Variants in ERI3 observed in about 807,000 individuals in gnomAD.
ERI3 encodes ERI1 exoribonuclease 3.
ERI3 carries 18 observed loss-of-function variants against 44.4 expected under a neutral mutation model. The observed-to-expected ratio is 0.41, with a 90% CI of 0.28 to 0.60. ERI3 has a LOEUF of 0.60. Ranked by LOEUF, ERI3 falls within the 20% of genes least tolerant of loss-of-function variation. The pLI, the probability that ERI3 is intolerant of heterozygous loss-of-function variation, is 0.36. For missense variants in ERI3, 294 were observed against 435.5 expected, an observed-to-expected ratio of 0.68 and a Z score of 2.89; for synonymous variants, 183 against 164.8, an observed-to-expected ratio of 1.11 and a Z score of -0.84.
Position 44,320,368 on chromosome 1 carries a change from C to T in ERI3, c.490-624G>A, listed in dbSNP as rs537861590. ...GCCCAATCGCTTAGCTAGCCTTTCCCAGTCCACTGAAACATAATGGAAGAG... is the reference window on the plus strand; with the variant it reads ...GCCCAATCGCTTAGCTAGCCTTTCCTAGTCCACTGAAACATAATGGAAGAG... On this transcript the variant is annotated intron_variant, in intron 3 of 8. Transcript: ENST00000372257. 4.6e-5 allele frequency among the ~76,000 whole-genome samples: 7 copies of T among 152,368 alleles called. No individual in the cohort carries two copies. In the East Asian group the frequency reaches 9.6e-4, roughly 21 times the overall value.
chr1:44,310,739 G>T (rs1325988338), intron 5 of ERI3, among the ~76,000 whole-genome samples: 1 of 152,046 alleles, frequency 6.6e-6, no homozygotes, highest in Non-Finnish European at 1.5e-5. Flanking sequence ...ATCCTACCTA[G>T]TTCCGTGGCT....
At chr1:44,259,724 A>ACACACACAC (rs1553185527) in intron 7 of ERI3, among the ~76,000 whole-genome samples, 5 of 148,642 alleles carry the variant, frequency 3.4e-5, no homozygotes, top group Non-Finnish European at 6.0e-5. Context: ...ACACACACAC[A>ACACACACAC]AATTAGCCAG....
chr1:44,340,145 T>G (rs566343560), intron 2 of ERI3, among the ~76,000 whole-genome samples: 3,113 of 57,924 alleles, frequency 0.054, 108 homozygotes, highest in African/African-American at 0.16. Context: ...TGAGTGAACA[T>G]GTGCAAAAAA....
chr1:44,243,382 T>C (rs754295889), intron 8 of ERI3: 4 of 152,236 alleles, frequency 2.6e-5, no homozygotes, highest in African/African-American at 9.7e-5. Flanking sequence ...CAAGTTACAA[T>C]AGCAGGTGAG....
intron 2 of ERI3, among the ~76,000 whole-genome samples, chr1:44,352,334 C>T (rs1646909212): frequency 6.6e-6 from 1 of 152,194 alleles, no homozygotes; most frequent in Non-Finnish European, 1.5e-5. Context: ...CCTGTAGCTC[C>T]AGCTACTTGT....
chr1:44,224,165 C>T (rs1027298377), intron 8 of ERI3, among the ~76,000 whole-genome samples: 2 of 152,190 alleles, frequency 1.3e-5, no homozygotes, highest in African/African-American at 2.4e-5. Flanking sequence ...TGGATTACAA[C>T]AGCTGTCCTC....
chr1:44,261,613 G>A (rs1237750862), intron 7 of ERI3, among the ~76,000 whole-genome samples: 5 of 152,274 alleles, frequency 3.3e-5, no homozygotes, highest in South Asian at 2.1e-4. Context: ...TTAGAGAGCC[G>A]CTCTGAGGAG....
chr1:44,309,814 C>T (rs913711910), intron 5 of ERI3, among the ~76,000 whole-genome samples: 10 of 152,044 alleles, frequency 6.6e-5, no homozygotes, highest in South Asian at 2.1e-4. Context: ...CTGCCCGCCT[C>T]GGCCTCCCAA....
Position 44,354,292 on chromosome 1 carries a change from CTA to C in ERI3, c.135+598_135+599del, listed in dbSNP as rs1201747254. On this transcript the variant is annotated intron_variant, in intron 1 of 8. Coordinates refer to ENST00000372257, the MANE Select transcript of ERI3 (RefSeq NM_024066.3). ...CCTCTCGCAGACACAACGATGGGCACTATTTGTTGCAAAATCCAGCTCTAAGG... is the reference window on the plus strand; with the variant it reads ...CCTCTCGCAGACACAACGATGGGCACTTTGTTGCAAAATCCAGCTCTAAGG... 3.0e-6 allele frequency: 3 copies of C among 985,324 alleles called. No individual in the cohort carries two copies. The African/African-American group carries it at 5.2e-5, about 17-fold the overall frequency. The allele number at this position is 985,324 out of a possible 1,614,324, so 61.0% of individuals were successfully genotyped here. A position where few individuals can be genotyped will look rare whatever the true frequency, so the allele number is the denominator to read the frequency against.
chr1:44,247,473 G>A (rs1644578664), intron 8 of ERI3, among the ~76,000 whole-genome samples: 1 of 152,204 alleles, frequency 6.6e-6, no homozygotes. Flanking sequence ...GGAGTCATCG[G>A]TCAGAAGGAC....
chr1:44,353,609 G>C (rs1009645820), intron 1 of ERI3: 2 of 985,246 alleles, frequency 2.0e-6, no homozygotes, highest in African/African-American at 1.7e-5. Flanking sequence ...CCTGGGAAAA[G>C]GCCACTCACC....
At chr1:44,351,218 G>A (rs1646883893) in intron 2 of ERI3, among the ~76,000 whole-genome samples, 1 of 152,024 alleles carries the variant, frequency 6.6e-6, no homozygotes, top group Admixed American at 6.6e-5. Context: ...GTTTTTAGTA[G>A]AGACAGGGTT....
intron 5 of ERI3, among the ~76,000 whole-genome samples, chr1:44,310,568 C>G (rs12026967): frequency 6.6e-6 from 1 of 151,936 alleles, no homozygotes; most frequent in Non-Finnish European, 1.5e-5. Context: ...TAGGCCAGAC[C>G]GTGAACGGCC....
chr1:44,281,588 G>GAAAA (rs769332763), intron 7 of ERI3, among the ~76,000 whole-genome samples: 12 of 103,820 alleles, frequency 1.2e-4, no homozygotes, highest in South Asian at 9.0e-4. Context: ...ACCCCGTCTC[G>GAAAA]AAAAAAAAAA....
At chr1:44,332,553 G>A (rs1246152402) in intron 3 of ERI3, among the ~76,000 whole-genome samples, 2 of 152,196 alleles carry the variant, frequency 1.3e-5, no homozygotes, top group Admixed American at 1.3e-4. Context: ...AAACCGCTTC[G>A]ATCCTGCCTC....
chr1:44,318,588 G>C (rs922543561), intron 4 of ERI3, among the ~76,000 whole-genome samples: 1 of 152,202 alleles, frequency 6.6e-6, no homozygotes, highest in Non-Finnish European at 1.5e-5. Flanking sequence ...GGGTCAGCTG[G>C]CAAACACTGG....
intron 3 of ERI3, among the ~76,000 whole-genome samples, chr1:44,332,321 G>C (rs930156174): frequency 6.6e-6 from 1 of 152,078 alleles, no homozygotes; most frequent in Non-Finnish European, 1.5e-5. Context: ...CATTCCAACA[G>C]CTATCTCAGC....
In ERI3 at chr1:44,252,699, G is replaced by A. The variant is rs910981183; in HGVS notation, c.832-4661C>T. ...ATAGATGAAGTAGCCCTCATCGGCT[G>A]CAGCATCAGATCCTTCAAAGAGGAA... On this transcript the variant is annotated intron_variant, in intron 7 of 8. Coordinates refer to ENST00000372257, the MANE Select transcript of ERI3 (RefSeq NM_024066.3). The surrounding 1 kb of genome is among the most constrained non-coding windows in gnomAD (Gnocchi z 4.7). 1.3e-5 allele frequency among the ~76,000 whole-genome samples: 2 copies of A among 152,230 alleles called. No individual in the cohort carries two copies. The highest frequency in any genetic ancestry group is 2.9e-5 in the Non-Finnish European group (2 of 68,046).
chr1:44,341,623 G>A (rs1318914464), intron 2 of ERI3, among the ~76,000 whole-genome samples: 1 of 152,164 alleles, frequency 6.6e-6, no homozygotes, highest in Admixed American at 6.6e-5. Flanking sequence ...CACAGTGACT[G>A]CACCTGTAAT....
Sources: gnomAD v4.1 joint callset for allele counts (sites outside exome capture counted in the v4.1 genomes callset) on GRCh38, gnomAD v4.1.1 for gene constraint, Gnocchi (gnomAD v3.1) non-coding constraint, MANE v1.5 for transcripts, NCBI Gene and HGNC (gene_info 2026-07-23, HGNC 2026-07-21) for gene names.